The following MECOM variants were observed in gnomAD, a reference collection of about 807,000 sequenced individuals.
MECOM encodes the protein histone-lysine N-methyltransferase MECOM.
In MECOM, 13 loss-of-function variants were observed where a neutral mutation model predicts 116.3. The observed-to-expected ratio is 0.11, with a 90% CI of 0.07 to 0.18. The LOEUF (loss-of-function observed/expected upper bound fraction) is 0.18, where lower values mean the gene tolerates loss of function less well. MECOM is among the 10% of genes least tolerant of loss of function. The probability of loss-of-function intolerance (pLI) is 1.00; values close to 1 mark genes in which losing one functional copy is unlikely to be tolerated. For missense variants in MECOM, 1,299 were observed against 1,509.0 expected, an observed-to-expected ratio of 0.86 and a Z score of 2.31; for synonymous variants, 528 against 535.2, an observed-to-expected ratio of 0.99 and a Z score of 0.19.
chr3:169,446,209 C>T (rs1744594540), intron 1 of MECOM, among the ~76,000 whole-genome samples: 1 of 151,954 alleles, frequency 6.6e-6, no homozygotes, highest in African/African-American at 2.4e-5. Flanking sequence ...TGGCTGTGTC[C>T]CCACCCAACT....
In MECOM at chr3:169,127,960, T is replaced by C; in HGVS notation, c.714A>G (p.Ala238=). 6.2e-7 allele frequency: 1 copy of C among 1,614,066 alleles called. No individual in the cohort carries two copies. Among genetic ancestry groups the C allele is most frequent in the Non-Finnish European group, 8.5e-7 (1 of 1,179,950 alleles). The part of the protein sequence containing the change: ...QKFPCSTPHS[A]FSMVEEDFQQ... The stretch of plus-strand genomic sequence containing the variant: ...GAAAGTCCTCTTCAACCATTGAAAA[T>C]GCTGAGTGAGGAGTACTGCATGGAA... Residue 238 remains alanine (A), a synonymous_variant, in exon 5 of 17, where the codon GCA becomes GCG. Transcript: ENST00000651503.
chr3:169,213,685 A>G (rs1751072653), intron 2 of MECOM, among the ~76,000 whole-genome samples: 1 of 152,202 alleles, frequency 6.6e-6, no homozygotes, highest in African/African-American at 2.4e-5. Context: ...AAAAATCGGC[A>G]AAGTTATGTT....
At chr3:169,640,700 T>C (rs1180931125) in intron 1 of MECOM, among the ~76,000 whole-genome samples, 1 of 152,158 alleles carries the variant, frequency 6.6e-6, no homozygotes, top group Non-Finnish European at 1.5e-5. Flanking sequence ...GGTGGTCTCA[T>C]CTCCGTGTTA....
intron 1 of MECOM, among the ~76,000 whole-genome samples, chr3:169,482,333 T>TG (rs200399821): frequency 1.4e-5 from 2 of 142,280 alleles, no homozygotes; most frequent in African/African-American, 5.4e-5. Flanking sequence ...ACGTTCTTTT[T>TG]TTTTTTTTTT....
At chr3:169,237,662 C>T (rs1446300288) in intron 2 of MECOM, among the ~76,000 whole-genome samples, 2 of 128,674 alleles carry the variant, frequency 1.6e-5, no homozygotes, top group African/African-American at 5.7e-5. Flanking sequence ...GTTAAATGAA[C>T]ATATTTGTTG....
intron 1 of MECOM, among the ~76,000 whole-genome samples, chr3:169,518,502 A>G (rs1174613646): frequency 4.6e-5 from 7 of 152,186 alleles, no homozygotes; most frequent in African/African-American, 1.4e-4. Flanking sequence ...ATTAAGAATC[A>G]TGGTAGCCAA....
intron 1 of MECOM, among the ~76,000 whole-genome samples, chr3:169,583,551 T>C (rs139581961): frequency 9.8e-5 from 15 of 152,298 alleles, no homozygotes; most frequent in African/African-American, 2.9e-4. Flanking sequence ...GATTAGTGCA[T>C]GCCAACCCAA....
chr3:169,212,782 C>T (rs1750936542), intron 2 of MECOM, among the ~76,000 whole-genome samples: 2 of 150,328 alleles, frequency 1.3e-5, no homozygotes, highest in South Asian at 4.2e-4. Flanking sequence ...TTACTATGCT[C>T]CTGGCCTTCC....
intron 3 of MECOM, 85 bp downstream of exon 3, chr3:169,143,613 T>A (rs368193553): frequency 2.9e-6 from 4 of 1,357,624 alleles, no homozygotes; most frequent in African/African-American, 3.0e-5. Context: ...AAGGGTCTAC[T>A]GCAGCTTACT....
At chr3:169,636,458 G>A (rs1225154181) in intron 1 of MECOM, among the ~76,000 whole-genome samples, 2 of 152,154 alleles carry the variant, frequency 1.3e-5, no homozygotes, top group Admixed American at 6.5e-5. Context: ...AGACTGATGG[G>A]GAAGATTCAC....
At chr3:169,554,847 G>A (rs546041249) in intron 1 of MECOM, among the ~76,000 whole-genome samples, 191 of 152,280 alleles carry the variant, frequency 1.3e-3, no homozygotes, top group African/African-American at 4.5e-3. Flanking sequence ...GGTAATAGGG[G>A]GTTGGGGGCA....
chr3:169,613,544 C>T (rs1769544772), intron 1 of MECOM: 1 of 152,142 alleles, frequency 6.6e-6, no homozygotes, highest in South Asian at 2.1e-4. Flanking sequence ...GGCTTTGGAG[C>T]AAGGACACTC....
intron 1 of MECOM, chr3:169,483,981 CA>C: frequency 2.5e-6 from 4 of 1,601,354 alleles, no homozygotes; most frequent in Non-Finnish European, 3.4e-6. Context: ...TGGGTGCAAT[CA>C]AGAGTGAACT....
chr3:169,370,660 A>G (rs1198405775), intron 2 of MECOM, among the ~76,000 whole-genome samples: 15 of 151,986 alleles, frequency 9.9e-5, no homozygotes, highest in Non-Finnish European at 2.1e-4. Flanking sequence ...ATATATAAGG[A>G]ACTCATGCAA....
intron 2 of MECOM, among the ~76,000 whole-genome samples, chr3:169,373,442 C>T (rs1560189628): frequency 1.3e-5 from 2 of 151,614 alleles, no homozygotes; most frequent in African/African-American, 2.4e-5. Flanking sequence ...GAAAGATGGC[C>T]CCTATTTATA....
chr3:169,585,213 C>T (rs1013229939), intron 1 of MECOM, among the ~76,000 whole-genome samples: 1 of 152,160 alleles, frequency 6.6e-6, no homozygotes, highest in African/African-American at 2.4e-5. Context: ...AGGCCAAACA[C>T]TGAATCATTA....
chr3:169,423,507 C>T (rs777916801), intron 1 of MECOM, among the ~76,000 whole-genome samples: 3 of 152,030 alleles, frequency 2.0e-5, no homozygotes, highest in Non-Finnish European at 2.9e-5. Flanking sequence ...GATATTTAAC[C>T]TCAGTGAACA....
chr3:169,333,958 G>A (rs1056714435), intron 2 of MECOM, among the ~76,000 whole-genome samples: 2 of 137,746 alleles, frequency 1.5e-5, no homozygotes, highest in Non-Finnish European at 3.1e-5. Context: ...AGCAAACCCA[G>A]ACGGTAGCAA....
intron 1 of MECOM, among the ~76,000 whole-genome samples, chr3:169,437,861 T>C (rs1386127628): frequency 2.0e-5 from 3 of 152,182 alleles, no homozygotes. Context: ...AGAGCCTAAT[T>C]GCAATGTCAT....
Sources: gnomAD v4.1 joint callset for allele counts (sites outside exome capture counted in the v4.1 genomes callset) on GRCh38, gnomAD v4.1.1 for gene constraint, MANE v1.5 for transcripts, NCBI Gene and HGNC (gene_info 2026-07-23, HGNC 2026-07-21) for gene names.